BMPR1A: variants seen among roughly 807,000 people sequenced by gnomAD.
The protein encoded by BMPR1A is bone morphogenetic protein receptor type-1A.
Under a neutral mutation model 66.0 loss-of-function variants are expected in BMPR1A, and 7 were observed. The ratio of observed to expected loss-of-function variants is 0.11; its 90% CI spans 0.06 to 0.20. BMPR1A has a LOEUF of 0.20. Among genes scored for constraint, BMPR1A ranks in the 10% least tolerant of loss-of-function variants. BMPR1A has a pLI of 1.00. For synonymous variants in BMPR1A, 200 were observed against 229.7 expected (o/e 0.87, Z 1.17); for missense variants, 408 against 669.1 (o/e 0.61, Z 4.31).
intron 1 of BMPR1A, among the ~76,000 whole-genome samples, chr10:86,769,412 C>A (rs7899560): frequency 6.6e-6 from 1 of 152,116 alleles, no homozygotes; most frequent in Non-Finnish European, 1.5e-5. Flanking sequence ...GACAACATAG[C>A]GAGACCCTGT....
rs575748802 is a variant in BMPR1A, at chr10:86,783,186, C to T, written c.-268+26267C>T. On this transcript the variant is annotated intron_variant, in intron 1 of 12. Coordinates refer to ENST00000372037, the MANE Select transcript of BMPR1A (RefSeq NM_004329.3). ...TGACCACATACACAGGGGTTTATAT[C>T]TGGGCTGTCTGTTCTGTTCCATTGG... Among the ~76,000 whole-genome samples the T allele has an allele frequency of 2.6e-5, 4 of 152,286 alleles. No homozygotes were observed. The South Asian group carries it at 6.2e-4, about 24-fold the overall frequency.
chr10:86,891,053 T>C (rs921538936), intron 4 of BMPR1A, among the ~76,000 whole-genome samples: 4 of 152,234 alleles, frequency 2.6e-5, no homozygotes, highest in Admixed American at 2.0e-4. Flanking sequence ...TTTATACTTT[T>C]AATAATTGTA....
intron 1 of BMPR1A, among the ~76,000 whole-genome samples, chr10:86,776,828 A>G (rs1026834131): frequency 2.6e-5 from 4 of 152,040 alleles, no homozygotes; most frequent in African/African-American, 9.7e-5. Context: ...AGACTCTTCC[A>G]CTACCTTCCT....
At chr10:86,814,306 G>GC (rs1842006745) in intron 1 of BMPR1A, among the ~76,000 whole-genome samples, 1 of 151,880 alleles carries the variant, frequency 6.6e-6, no homozygotes, top group African/African-American at 2.4e-5. Context: ...CTTAATTTTG[G>GC]CAAAAATTTC....
chr10:86,770,213 C>G (rs949092962), intron 1 of BMPR1A, among the ~76,000 whole-genome samples: 3 of 152,156 alleles, frequency 2.0e-5, no homozygotes, highest in African/African-American at 7.2e-5. Context: ...TTGGCTTGAG[C>G]CCAGGAGGTT....
intron 8 of BMPR1A, among the ~76,000 whole-genome samples, chr10:86,914,728 A>T (rs531650545): frequency 5.9e-5 from 9 of 152,374 alleles, no homozygotes; most frequent in Non-Finnish European, 7.3e-5. Flanking sequence ...AAAGATGTAG[A>T]TCAACTAGAA....
chr10:86,833,556 G>A (rs1234858747), intron 1 of BMPR1A, among the ~76,000 whole-genome samples: 1 of 152,150 alleles, frequency 6.6e-6, no homozygotes, highest in Non-Finnish European at 1.5e-5. Context: ...CGGCAATTGG[G>A]CACTTTTTGG....
At chr10:86,889,643 C>G (rs1241227811) in intron 3 of BMPR1A, 1 of 206,806 alleles carries the variant, frequency 4.8e-6, no homozygotes, top group Non-Finnish European at 9.8e-6. Context: ...TCATTGCACT[C>G]CAGATGTGCT....
chr10:86,838,317 G>C (rs1842379618), intron 1 of BMPR1A, among the ~76,000 whole-genome samples: 1 of 152,170 alleles, frequency 6.6e-6, no homozygotes. Context: ...GGTGTTAATA[G>C]CAGTACTAAT....
intron 9 of BMPR1A, 109 bp from the exon 10 acceptor site, chr10:86,919,063 C>T: frequency 8.1e-7 from 1 of 1,232,578 alleles, no homozygotes; most frequent in South Asian, 1.3e-5. Flanking sequence ...ATTAAAGTTT[C>T]ACTATCTGCA....
intron 1 of BMPR1A, among the ~76,000 whole-genome samples, chr10:86,820,318 C>T (rs1842104137): frequency 6.6e-6 from 1 of 151,972 alleles, no homozygotes; most frequent in Admixed American, 6.5e-5. Context: ...GTTGGGATTA[C>T]AGGCATGAGC....
intron 1 of BMPR1A, among the ~76,000 whole-genome samples, chr10:86,796,232 A>T (rs1467418657): frequency 6.6e-6 from 1 of 152,110 alleles, no homozygotes; most frequent in African/African-American, 2.4e-5. Context: ...TTTGGTTATT[A>T]AAGTTTAAAT....
At chr10:86,907,541 C>G (rs980574433) in intron 7 of BMPR1A, among the ~76,000 whole-genome samples, 1 of 146,798 alleles carries the variant, frequency 6.8e-6, no homozygotes, top group African/African-American at 2.6e-5. Flanking sequence ...TGTTTAAGCA[C>G]TATTCATAAT....
At chr10:86,758,792 G>A (rs1207979110) in intron 1 of BMPR1A, among the ~76,000 whole-genome samples, 2 of 152,132 alleles carry the variant, frequency 1.3e-5, no homozygotes, top group Non-Finnish European at 2.9e-5. Flanking sequence ...CCTTCACAAG[G>A]AACTATAACC....
At chr10:86,917,084 A>C in intron 8 of BMPR1A, 50 bp from the exon 9 acceptor site, 1 of 1,589,828 alleles carries the variant, frequency 6.3e-7, no homozygotes. Context: ...TGCCAGTCTT[A>C]ATGGGTTTCT....
intron 1 of BMPR1A, among the ~76,000 whole-genome samples, chr10:86,816,559 A>T (rs141001329): frequency 7.9e-5 from 12 of 152,340 alleles, no homozygotes; most frequent in African/African-American, 2.9e-4. Flanking sequence ...GCGAAAGTCG[A>T]CCTACTGGAT....
intron 7 of BMPR1A, among the ~76,000 whole-genome samples, chr10:86,911,697 C>T (rs1225205926): frequency 2.6e-5 from 4 of 152,082 alleles, no homozygotes; most frequent in African/African-American, 9.7e-5. Context: ...TTGCAGTGAA[C>T]TGAGATCGTA....
rs117082170 is a variant in BMPR1A, at chr10:86,879,408, T to G, written c.67+3323T>G. On this transcript the variant is annotated intron_variant, in intron 3 of 12. Transcript: ENST00000372037. ...CTGGCAAGGGGAATGGAACTAAAAT[T>G]GTTGGATTAGACCAACGATTATCTC... Among the ~76,000 whole-genome samples the G allele has an allele frequency of 8.7e-3, 1,329 of 152,338 alleles. 28 individuals are homozygous for G. The highest frequency in any genetic ancestry group is 0.081 in the South Asian group (392 of 4,820).
intron 1 of BMPR1A, among the ~76,000 whole-genome samples, chr10:86,806,632 G>A (rs576279536): frequency 1.2e-4 from 19 of 152,014 alleles, no homozygotes; most frequent in Non-Finnish European, 1.9e-4. Flanking sequence ...GCTCTCTACA[G>A]CCTTCACCTC....
Sources: gnomAD v4.1 joint callset for allele counts (sites outside exome capture counted in the v4.1 genomes callset) on GRCh38, gnomAD v4.1.1 for gene constraint, MANE v1.5 for transcripts, NCBI Gene and HGNC (gene_info 2026-07-23, HGNC 2026-07-21) for gene names.